Variants in TRIM44 observed in about 807,000 individuals in gnomAD.
The protein encoded by TRIM44 is tripartite motif-containing protein 44.
In TRIM44, 13 loss-of-function variants were observed where a neutral mutation model predicts 37.4. The observed-to-expected ratio is 0.35, with a 90% CI of 0.23 to 0.55. TRIM44 has a LOEUF of 0.55. TRIM44 is among the 20% of genes least tolerant of loss of function. The pLI is 0.89. For synonymous variants in TRIM44, 175 were observed against 157.2 expected (o/e 1.11, Z -0.85); for missense variants, 426 against 437.2 (o/e 0.97, Z 0.23).
intron 4 of TRIM44, among the ~76,000 whole-genome samples, chr11:35,801,089 C>T (rs1274110226): frequency 6.6e-6 from 1 of 152,212 alleles, no homozygotes; most frequent in Non-Finnish European, 1.5e-5. Flanking sequence ...ACAAAGAAGG[C>T]AACTCGCTCT....
At chr11:35,795,404 A>ACTCC (rs1853268868) in intron 4 of TRIM44, among the ~76,000 whole-genome samples, 2 of 151,988 alleles carry the variant, frequency 1.3e-5, no homozygotes, top group East Asian at 3.9e-4. Context: ...TTCAAGCAGG[A>ACTCC]GATGGTGGCA....
At chr11:35,696,832 A>C (rs1851705952) in intron 2 of TRIM44, among the ~76,000 whole-genome samples, 1 of 147,548 alleles carries the variant, frequency 6.8e-6, no homozygotes, top group Non-Finnish European at 1.5e-5. Context: ...GAGCAACAAG[A>C]GTGAAACTCT....
chr11:35,663,453 G>C lies in TRIM44; in HGVS notation c.342G>C (p.Glu114Asp). The C allele has an allele frequency of 1.3e-6, 2 of 1,565,684 alleles. No individual in the cohort carries two copies. The highest frequency in any genetic ancestry group is 1.7e-6 in the Non-Finnish European group (2 of 1,154,666). Residue 114 changes from glutamate (E) to aspartate (D), a missense_variant, in exon 1 of 5, where the codon GAG becomes GAC. This residue lies in a region of TRIM44 where 331 missense variants were observed against 303.0 expected (regional missense o/e 1.09). Transcript: ENST00000299413. The part of the protein sequence containing the change: ...ESESEEESET[E>D]EESEDESDEE... ...AGTCAGAGGAAGAGAGCGAGACAGA[G>C]GAAGAGAGTGAGGATGAGAGCGATG...
At chr11:35,805,795 A>G (rs999169670) in intron 4 of TRIM44, among the ~76,000 whole-genome samples, 1 of 150,694 alleles carries the variant, frequency 6.6e-6, no homozygotes, top group African/African-American at 2.5e-5. Context: ...TATGACAGAC[A>G]TAAGATAGAG....
chr11:35,686,123 A>T (rs556569970), intron 2 of TRIM44, among the ~76,000 whole-genome samples: 1 of 151,042 alleles, frequency 6.6e-6, no homozygotes, highest in South Asian at 2.1e-4. Flanking sequence ...AAACTGGTTT[A>T]AGTGTCCCGG....
intron 2 of TRIM44, among the ~76,000 whole-genome samples, chr11:35,725,006 T>G (rs1307942066): frequency 6.6e-6 from 1 of 151,362 alleles, no homozygotes; most frequent in African/African-American, 2.4e-5. Flanking sequence ...AAGCAAAAAT[T>G]TGGAAATATC....
intron 2 of TRIM44, among the ~76,000 whole-genome samples, chr11:35,689,650 T>A (rs1851618485): frequency 6.6e-6 from 1 of 152,214 alleles, no homozygotes; most frequent in Non-Finnish European, 1.5e-5. Context: ...TGTGTATATG[T>A]GTGTCTGTAC....
intron 4 of TRIM44, among the ~76,000 whole-genome samples, chr11:35,751,891 A>G (rs543858322): frequency 1.3e-5 from 2 of 152,286 alleles, no homozygotes; most frequent in Non-Finnish European, 2.9e-5. Context: ...TGGTTTTGCT[A>G]TTTCCATATT....
At chr11:35,715,803 G>A (rs571112857) in intron 2 of TRIM44, among the ~76,000 whole-genome samples, 91 of 152,252 alleles carry the variant, frequency 6.0e-4, no homozygotes, top group Non-Finnish European at 1.2e-3. Flanking sequence ...AGTCATTGTG[G>A]AAGGTGAAGA....
Position 35,806,211 on chromosome 11 carries a change from C to T in TRIM44, c.1008-147C>T, listed in dbSNP as rs1049145169. On this transcript the variant is annotated intron_variant, in intron 4 of 4. Transcript: ENST00000299413. Reference sequence around the variant, plus strand: ...ATCAGAATTTAGAGAAACGAAGTAACTTGCCTTTGGCCATATTGCTCAATC... The same window carrying T: ...ATCAGAATTTAGAGAAACGAAGTAATTTGCCTTTGGCCATATTGCTCAATC... 7.8e-6 allele frequency: 6 copies of T among 772,428 alleles called. No individual in the cohort carries two copies. The East Asian group carries it at 1.5e-4, about 20-fold the overall frequency. The allele number at this position is 772,428 out of a possible 1,614,324, so 47.8% of individuals were successfully genotyped here. A position where few individuals can be genotyped will look rare whatever the true frequency, so the allele number is the denominator to read the frequency against.
At chr11:35,668,628 A>G (rs571364826) in intron 1 of TRIM44, among the ~76,000 whole-genome samples, 2 of 152,326 alleles carry the variant, frequency 1.3e-5, no homozygotes, top group East Asian at 3.9e-4. Context: ...GGGCATTTAA[A>G]TTGATTCAGT....
chr11:35,768,955 A>G, intron 4 of TRIM44, among the ~76,000 whole-genome samples: 1 of 152,186 alleles, frequency 6.6e-6, no homozygotes, highest in East Asian at 1.9e-4. Flanking sequence ...ATTCCTGACA[A>G]ACATTTAAAA....
intron 2 of TRIM44, among the ~76,000 whole-genome samples, chr11:35,721,006 C>T (rs558733825): frequency 1.3e-5 from 2 of 151,746 alleles, no homozygotes; most frequent in East Asian, 1.9e-4. Flanking sequence ...CAGGTTCAAG[C>T]GATTCTCGTG....
Position 35,774,131 on chromosome 11 carries a change from G to A in TRIM44, c.1008-32227G>A, listed in dbSNP as rs574435926. Among the ~76,000 whole-genome samples, 14 of 152,174 alleles carry A rather than the reference G, an allele frequency of 9.2e-5. No homozygotes were observed. In the East Asian group the frequency reaches 1.9e-3, roughly 21 times the overall value. On this transcript the variant is annotated intron_variant, in intron 4 of 4. Transcript: ENST00000299413. The stretch of plus-strand genomic sequence containing the variant: ...TATTTCTCCACATCCTCTCCAGCAC[G>A]TGTTGTTTCCTGACTTTTTAATAAT...
At chr11:35,748,711 A>G (rs936026814) in intron 4 of TRIM44, among the ~76,000 whole-genome samples, 2 of 152,260 alleles carry the variant, frequency 1.3e-5, no homozygotes, top group Non-Finnish European at 2.9e-5. Context: ...TAGCTGCAAA[A>G]TAAAATATCC....
rs10488730 is a variant in TRIM44, at chr11:35,674,448, G to A, written c.669+10668G>A. ...ACCAAAGGCTCAATCCACAATTTACGGCAAATAACTCTATGGGCAGTGACT... is the reference window on the plus strand; with the variant it reads ...ACCAAAGGCTCAATCCACAATTTACAGCAAATAACTCTATGGGCAGTGACT... On this transcript the variant is annotated intron_variant, in intron 1 of 4. Coordinates refer to ENST00000299413, the MANE Select transcript of TRIM44 (RefSeq NM_017583.6). Among the ~76,000 whole-genome samples, 2,119 of 152,054 alleles carry A rather than the reference G, an allele frequency of 0.014. 118 individuals carry two copies. In the East Asian group the frequency reaches 0.14, roughly 10 times the overall value.
intron 2 of TRIM44, among the ~76,000 whole-genome samples, chr11:35,721,424 A>G (rs917865154): frequency 6.6e-6 from 1 of 152,214 alleles, no homozygotes; most frequent in Non-Finnish European, 1.5e-5. Flanking sequence ...TTATAATGAA[A>G]ATAATAACAG....
In TRIM44 at chr11:35,809,319, A is replaced by G. The variant is rs1043354047; in HGVS notation, c.*2934A>G. On this transcript the variant is annotated 3_prime_UTR_variant, in exon 5 of 5. Transcript: ENST00000299413. ...CGCAGCTCCCCCTAATTCTGTGGAC[A>G]GGCACTTTGTACCACACACCATGGT... 2 of 152,222 alleles carry G rather than the reference A, an allele frequency of 1.3e-5. No homozygotes were observed. Among genetic ancestry groups the G allele is most frequent in the Admixed American group, 1.3e-4 (2 of 15,274 alleles). The allele number at this position is 152,222 out of a possible 1,614,324, so 9.4% of individuals were successfully genotyped here. A position where few individuals can be genotyped will look rare whatever the true frequency, so the allele number is the denominator to read the frequency against.
At chr11:35,712,219 T>C (rs779416600) in intron 2 of TRIM44, among the ~76,000 whole-genome samples, 42 of 152,088 alleles carry the variant, frequency 2.8e-4, no homozygotes, top group Non-Finnish European at 5.9e-4. Flanking sequence ...ATATTCCCAA[T>C]AGAAAGAAGA....
Sources: allele counts gnomAD v4.1 joint callset (sites outside exome capture counted in the v4.1 genomes callset), GRCh38; gene constraint gnomAD v4.1.1; regional missense constraint gnomAD v4.1.1; transcripts MANE v1.5; gene names NCBI Gene and HGNC (gene_info 2026-07-23, HGNC 2026-07-21).